Variants in TTC29 observed in about 807,000 individuals in gnomAD.
TTC29 encodes tetratricopeptide repeat domain 29, also known as tetratricopeptide repeat protein 29.
TTC29 carries 49 observed loss-of-function variants against 58.1 expected under a neutral mutation model. The observed-to-expected ratio is 0.84, with a 90% CI of 0.67 to 1.07. The LOEUF (loss-of-function observed/expected upper bound fraction) is 1.07, where lower values mean the gene tolerates loss of function less well. Among genes scored for constraint, TTC29 ranks in the 50% least tolerant of loss-of-function variants. TTC29 has a pLI of 0.00. For missense variants in TTC29, 582 were observed against 555.6 expected (o/e 1.05, Z -0.48); for synonymous variants, 209 against 196.8 (o/e 1.06, Z -0.52).
chr4:146,760,758 A>ATATATATATATGATGGAATAC, intron 11 of TTC29, among the ~76,000 whole-genome samples: 1 of 146,676 alleles, frequency 6.8e-6, no homozygotes, highest in East Asian at 2.0e-4. Context: ...ATATGTGTAT[A>ATATATATATATGATGGAATAC]TATATATATA....
At chr4:146,749,714 A>G (rs1015783086) in intron 11 of TTC29, among the ~76,000 whole-genome samples, 2 of 152,222 alleles carry the variant, frequency 1.3e-5, no homozygotes, top group Admixed American at 6.5e-5. Context: ...AGTAGATTCA[A>G]CGCAAAGGGG....
chr4:146,774,168 C>CA (rs1409514598), intron 11 of TTC29, among the ~76,000 whole-genome samples: 7 of 152,008 alleles, frequency 4.6e-5, no homozygotes, highest in Admixed American at 3.3e-4. Context: ...TTTATTCTTT[C>CA]AAAAAACCAA....
intron 11 of TTC29, among the ~76,000 whole-genome samples, chr4:146,742,172 T>C (rs1745201444): frequency 6.6e-6 from 1 of 152,196 alleles, no homozygotes; most frequent in Admixed American, 6.5e-5. Flanking sequence ...TGGAGTCTTC[T>C]TTCCTCACTT....
chr4:146,803,829 G>C (rs1351010395), intron 10 of TTC29, 144 bp from the exon 11 acceptor site: 3 of 605,366 alleles, frequency 5.0e-6, no homozygotes, highest in South Asian at 2.4e-5. Flanking sequence ...TGGCAAGCAG[G>C]CTATTAGGAT....
chr4:146,883,374 C>T (rs1050543937), intron 6 of TTC29, among the ~76,000 whole-genome samples: 1 of 150,486 alleles, frequency 6.6e-6, no homozygotes, highest in African/African-American at 2.4e-5. Flanking sequence ...TAACTTTTCA[C>T]GTGGAGTTAT....
In TTC29 at chr4:146,828,504, T is replaced by C. The variant is rs1380447474; in HGVS notation, c.977+5302A>G. The stretch of plus-strand genomic sequence containing the variant: ...AAATTATTATTATTAATTATTTAGC[T>C]AAGATGGACTCACTGAAGCTTATTT... On this transcript the variant is annotated intron_variant, in intron 9 of 12. Transcript: ENST00000325106. 2.6e-5 allele frequency among the ~76,000 whole-genome samples: 4 copies of C among 152,058 alleles called. No individual in the cohort carries two copies. The East Asian group carries it at 7.7e-4, about 29-fold the overall frequency.
chr4:146,848,446 A>G (rs945790942), intron 8 of TTC29, among the ~76,000 whole-genome samples: 3 of 152,208 alleles, frequency 2.0e-5, no homozygotes, highest in African/African-American at 7.2e-5. Flanking sequence ...GGGACAGAGA[A>G]GTTTTAAATA....
chr4:146,912,821 T>C (rs575372752), intron 4 of TTC29, among the ~76,000 whole-genome samples: 2 of 151,826 alleles, frequency 1.3e-5, no homozygotes, highest in East Asian at 3.9e-4. Context: ...GCTGGAAGGA[T>C]AGAGAGAAGT....
At chr4:146,814,954 G>A (rs1366928248) in intron 10 of TTC29, among the ~76,000 whole-genome samples, 1 of 152,098 alleles carries the variant, frequency 6.6e-6, no homozygotes, top group South Asian at 2.1e-4. Flanking sequence ...ATGTCAATTC[G>A]CTATGGTGGA....
At chr4:146,803,711 CT>C in intron 10 of TTC29, 26 bp from the exon 11 acceptor site, 1 of 1,500,980 alleles carries the variant, frequency 6.7e-7, no homozygotes, top group South Asian at 1.3e-5. Context: ...AAATAATTTT[CT>C]TTCTTACTTT....
intron 6 of TTC29, among the ~76,000 whole-genome samples, chr4:146,883,320 T>C (rs1731759126): frequency 6.6e-6 from 1 of 152,042 alleles, no homozygotes; most frequent in Non-Finnish European, 1.5e-5. Flanking sequence ...GCGGAAACAA[T>C]TGTTAGCACC....
chr4:146,784,705 GAA>G (rs529211311), intron 11 of TTC29, among the ~76,000 whole-genome samples: 468 of 152,238 alleles, frequency 3.1e-3, no homozygotes, highest in African/African-American at 0.011. Context: ...AGAACTGTGA[GAA>G]ATAAATTTCT....
At chr4:146,721,774 T>C (rs952990860) in intron 11 of TTC29, among the ~76,000 whole-genome samples, 1 of 152,086 alleles carries the variant, frequency 6.6e-6, no homozygotes, top group African/African-American at 2.4e-5. Flanking sequence ...CTTTAATAAG[T>C]ACATAAAAAT....
At chr4:146,935,355 C>A (rs1735709810) in intron 4 of TTC29, among the ~76,000 whole-genome samples, 1 of 152,106 alleles carries the variant, frequency 6.6e-6, no homozygotes, top group Non-Finnish European at 1.5e-5. Flanking sequence ...TGAGTATACA[C>A]AAATATATCG....
intron 11 of TTC29, among the ~76,000 whole-genome samples, chr4:146,716,079 A>G (rs965838779): frequency 9.2e-5 from 14 of 152,194 alleles, no homozygotes; most frequent in African/African-American, 2.9e-4. Flanking sequence ...AGATTTGAAA[A>G]ATCAACATCT....
intron 11 of TTC29, among the ~76,000 whole-genome samples, chr4:146,719,886 T>C (rs1325141733): frequency 1.3e-5 from 2 of 152,172 alleles, no homozygotes; most frequent in Non-Finnish European, 2.9e-5. Context: ...ACTGCAGTCA[T>C]GAAATTTCTC....
At chr4:146,930,961 C>A (rs2150318061) in intron 4 of TTC29, among the ~76,000 whole-genome samples, 1 of 152,272 alleles carries the variant, frequency 6.6e-6, no homozygotes, top group African/African-American at 2.4e-5. Context: ...TAGGAAGAAC[C>A]ACATCCTTCA....
At chr4:146,858,638 A>G (rs922805747) in intron 8 of TTC29, among the ~76,000 whole-genome samples, 14 of 152,220 alleles carry the variant, frequency 9.2e-5, no homozygotes, top group African/African-American at 3.4e-4. Flanking sequence ...TTTTATGTAT[A>G]TTAATAGTAA....
intron 9 of TTC29, among the ~76,000 whole-genome samples, chr4:146,824,049 A>T (rs1752019326): frequency 6.6e-6 from 1 of 152,200 alleles, no homozygotes; most frequent in Non-Finnish European, 1.5e-5. Flanking sequence ...ATCTGCAAAC[A>T]GAGACAATTT....
Sources: gnomAD v4.1 joint callset for allele counts (sites outside exome capture counted in the v4.1 genomes callset) on GRCh38, gnomAD v4.1.1 for gene constraint, MANE v1.5 for transcripts, NCBI Gene and HGNC (gene_info 2026-07-23, HGNC 2026-07-21) for gene names.